Variants in TAS2R1 observed in about 807,000 individuals in gnomAD.
TAS2R1 encodes taste 2 receptor member 1, also known as taste receptor type 2 member 1.
For missense variants in TAS2R1, 370 were observed against 353.4 expected, an observed-to-expected ratio of 1.05 and a Z score of -0.38; for synonymous variants, 141 against 134.2, an observed-to-expected ratio of 1.05 and a Z score of -0.35.
At chr5:9,865,575 C>G in the TAS2R1 span, among the ~76,000 whole-genome samples, 1 of 152,208 alleles carries the variant, frequency 6.6e-6, no homozygotes, top group South Asian at 2.1e-4. Flanking sequence ...TTCTTTAACA[C>G]AAATGGGCTC....
the TAS2R1 span, among the ~76,000 whole-genome samples, chr5:9,768,270 C>A: frequency 6.6e-6 from 1 of 152,160 alleles, no homozygotes; most frequent in Non-Finnish European, 1.5e-5. Flanking sequence ...AAGACACCTG[C>A]CTTGGGTCCC....
chr5:9,631,454 C>T (rs933082574), upstream of TAS2R1, among the ~76,000 whole-genome samples: 2 of 152,148 alleles, frequency 1.3e-5, no homozygotes, highest in African/African-American at 4.8e-5. Flanking sequence ...ATAGCCCAGG[C>T]TAGCCTTAAC....
chr5:9,665,435 T>C (rs1279200516), intron 1 of TAS2R1, among the ~76,000 whole-genome samples: 4 of 152,208 alleles, frequency 2.6e-5, no homozygotes, highest in Non-Finnish European at 4.4e-5. Flanking sequence ...TCCCAGTGAT[T>C]GGGGTGTGGA....
At chr5:9,745,256 T>A in the TAS2R1 span, among the ~76,000 whole-genome samples, 12 of 152,178 alleles carry the variant, frequency 7.9e-5, no homozygotes, top group African/African-American at 2.9e-4. Context: ...GTCAATGGGA[T>A]CTGGACCACA....
At chr5:9,723,681 C>T in the TAS2R1 span, among the ~76,000 whole-genome samples, 1 of 152,234 alleles carries the variant, frequency 6.6e-6, no homozygotes, top group Admixed American at 6.5e-5. Context: ...ACTCAGCTGG[C>T]CCCACTGGCC....
chr5:9,677,002 A>T (rs1740889562), intron 1 of TAS2R1, among the ~76,000 whole-genome samples: 1 of 152,220 alleles, frequency 6.6e-6, no homozygotes, highest in Non-Finnish European at 1.5e-5. Context: ...CATGGAATCA[A>T]CCTAAATGCC....
chr5:9,766,481 G>A, the TAS2R1 span, among the ~76,000 whole-genome samples: 1 of 152,214 alleles, frequency 6.6e-6, no homozygotes, highest in African/African-American at 2.4e-5. Context: ...GGTGAAGCAG[G>A]ATTTTCTACA....
chr5:9,747,945 AGGGATTAG>A, the TAS2R1 span, among the ~76,000 whole-genome samples: 3 of 152,162 alleles, frequency 2.0e-5, no homozygotes, highest in South Asian at 6.2e-4. Context: ...GGTCTAGCCC[AGGGATTAG>A]GGGATGTGTT....
At chr5:9,777,708 A>G in the TAS2R1 span, among the ~76,000 whole-genome samples, 5 of 152,244 alleles carry the variant, frequency 3.3e-5, no homozygotes, top group Admixed American at 6.5e-5. Context: ...AGTAATCACT[A>G]TCTATAGCAG....
the TAS2R1 span, among the ~76,000 whole-genome samples, chr5:9,749,544 T>C: frequency 1.3e-5 from 2 of 152,208 alleles, no homozygotes; most frequent in East Asian, 1.9e-4. Flanking sequence ...TTGGAGACTA[T>C]AGGTTAGGCT....
At chr5:9,641,278 T>C (rs1740080146) in intron 2 of TAS2R1, 1 of 152,262 alleles carries the variant, frequency 6.6e-6, no homozygotes, top group Non-Finnish European at 1.5e-5. Flanking sequence ...TTACAACTTT[T>C]GTTTTAACTA....
intron 2 of TAS2R1, among the ~76,000 whole-genome samples, chr5:9,640,513 A>AAAAC (rs955500139): frequency 6.6e-6 from 1 of 150,388 alleles, no homozygotes; most frequent in African/African-American, 2.4e-5. Context: ...AAAAAAAAAA[A>AAAAC]AAAAAAAAAC....
chr5:9,882,130 A>G, the TAS2R1 span, among the ~76,000 whole-genome samples: 1 of 152,236 alleles, frequency 6.6e-6, no homozygotes, highest in African/African-American at 2.4e-5. Flanking sequence ...TCTAATGTCC[A>G]GAATGTACAA....
At chr5:9,836,455 G>T in the TAS2R1 span, among the ~76,000 whole-genome samples, 9 of 151,908 alleles carry the variant, frequency 5.9e-5, no homozygotes, top group Admixed American at 5.9e-4. Context: ...AGTATCGCTG[G>T]CCTCTACTCA....
the TAS2R1 span, among the ~76,000 whole-genome samples, chr5:9,897,724 A>G: frequency 2.0e-5 from 3 of 152,368 alleles, no homozygotes; most frequent in African/African-American, 7.2e-5. Context: ...ATTTGAAAGA[A>G]GAAGTCATTT....
chr5:9,807,169 T>C, the TAS2R1 span, among the ~76,000 whole-genome samples: 1 of 151,904 alleles, frequency 6.6e-6, no homozygotes, highest in Non-Finnish European at 1.5e-5. Context: ...CGTCACTAAT[T>C]ATCAGGGAAA....
chr5:9,637,499 C>T (rs1246786946), intron 2 of TAS2R1, among the ~76,000 whole-genome samples: 2 of 152,272 alleles, frequency 1.3e-5, no homozygotes, highest in East Asian at 3.9e-4. Flanking sequence ...GGAAGCTTTG[C>T]TCAATTATTT....
chr5:9,729,662 A>G, the TAS2R1 span, among the ~76,000 whole-genome samples: 5 of 152,172 alleles, frequency 3.3e-5, no homozygotes, highest in African/African-American at 1.2e-4. Flanking sequence ...TAAAGCAGGC[A>G]CGCGTAAAAC....
chr5:9,681,594 A>G (rs1166754335), intron 1 of TAS2R1, among the ~76,000 whole-genome samples: 1 of 149,484 alleles, frequency 6.7e-6, no homozygotes, highest in African/African-American at 2.5e-5. Flanking sequence ...TTTCTTCTGC[A>G]TGACATTCCA....
Sources: allele counts gnomAD v4.1 joint callset (sites outside exome capture counted in the v4.1 genomes callset), GRCh38; gene constraint gnomAD v4.1.1; transcripts MANE v1.5; gene names NCBI Gene and HGNC (gene_info 2026-07-23, HGNC 2026-07-21).